DENND1A: variants seen among roughly 807,000 people sequenced by gnomAD.
The protein encoded by DENND1A is DENN domain containing 1A.
DENND1A carries 51 observed loss-of-function variants against 113.7 expected under a neutral mutation model. The observed-to-expected ratio is 0.45, with a 90% CI of 0.36 to 0.57. The LOEUF is 0.57. Ranked by LOEUF, DENND1A falls within the 20% of genes least tolerant of loss-of-function variation. The pLI, the probability that DENND1A is intolerant of heterozygous loss-of-function variation, is 0.00. For synonymous variants in DENND1A, 565 were observed against 570.8 expected (o/e 0.99, Z 0.14); for missense variants, 1,258 against 1,395.9 (o/e 0.90, Z 1.57).
At chr9:123,532,785 G>A (rs1017768659) in intron 13 of DENND1A, among the ~76,000 whole-genome samples, 1 of 152,148 alleles carries the variant, frequency 6.6e-6, no homozygotes, top group Non-Finnish European at 1.5e-5. Context: ...GCTTCCTATA[G>A]CCCAAAGTAT....
intron 5 of DENND1A, among the ~76,000 whole-genome samples, chr9:123,727,947 A>G (rs1253702968): frequency 6.6e-6 from 1 of 151,914 alleles, no homozygotes; most frequent in Non-Finnish European, 1.5e-5. Context: ...TCTACTAAAA[A>G]TACAAAATAT....
chr9:123,393,931 G>A (rs1245816620), intron 21 of DENND1A, among the ~76,000 whole-genome samples: 2 of 152,162 alleles, frequency 1.3e-5, no homozygotes, highest in African/African-American at 2.4e-5. Flanking sequence ...GGACAATGGT[G>A]GGGGCGTGCC....
rs572631597 is a variant in DENND1A, at chr9:123,646,948, G to A, written c.618+5065C>T. Among the ~76,000 whole-genome samples, 4 of 152,226 alleles carry A rather than the reference G, an allele frequency of 2.6e-5. 1 individual carries two copies. The South Asian group carries it at 8.3e-4, about 32-fold the overall frequency. ...GTGTGGGATCTTGGCACTCTCTCCT[G>A]AGGGCTTCCATTAGATGGGTATAGA... On this transcript the variant is annotated intron_variant, in intron 9 of 23. Coordinates refer to ENST00000394215, the MANE Select transcript of DENND1A (RefSeq NM_001352964.2).
At chr9:123,666,965 CAAAT>C (rs1564913382) in intron 8 of DENND1A, 57 bp downstream of exon 8, 3 of 1,430,726 alleles carry the variant, frequency 2.1e-6, no homozygotes. Flanking sequence ...TTTATTCAAA[CAAAT>C]AGGCAGAAAA....
intron 5 of DENND1A, among the ~76,000 whole-genome samples, chr9:123,750,512 G>A (rs761315624): frequency 3.3e-5 from 5 of 152,216 alleles, no homozygotes; most frequent in Non-Finnish European, 5.9e-5. Context: ...TCTATGTTCA[G>A]CTTCTGACAG....
intron 1 of DENND1A, among the ~76,000 whole-genome samples, chr9:123,909,836 G>T (rs557881890): frequency 7.1e-4 from 108 of 152,200 alleles, no homozygotes; most frequent in African/African-American, 2.4e-3. Flanking sequence ...TAGCAAGGTT[G>T]CTGGATACAA....
At chr9:123,867,073 GTCT>G (rs1845891395) in intron 2 of DENND1A, among the ~76,000 whole-genome samples, 1 of 152,112 alleles carries the variant, frequency 6.6e-6, no homozygotes. Context: ...ACTTATTAAA[GTCT>G]TCTGCTGGGC....
Position 123,764,325 on chromosome 9 carries a change from C to A in DENND1A, c.182+5189G>T, listed in dbSNP as rs375603492. ...TCCCCCTCTATGTATTATAGCTTAC[C>A]GACAATTATCTGTTGTCCATGGCAG... On this transcript the variant is annotated intron_variant, in intron 4 of 23. Coordinates refer to ENST00000394215, the MANE Select transcript of DENND1A (RefSeq NM_001352964.2). This position sits in a 1 kb window ranked among gnomAD's most constrained non-coding sequence, Gnocchi z 4.1. 1.3e-5 allele frequency among the ~76,000 whole-genome samples: 2 copies of A among 152,114 alleles called. No homozygotes were observed. Among genetic ancestry groups the A allele is most frequent in the African/African-American group, 2.4e-5 (1 of 41,402 alleles).
chr9:123,917,066 C>T (rs888780314), intron 1 of DENND1A, among the ~76,000 whole-genome samples: 3 of 151,906 alleles, frequency 2.0e-5, no homozygotes, highest in Non-Finnish European at 4.4e-5. Context: ...TACCCGTAGT[C>T]CCAGGTACTC....
rs533323730 is a variant in DENND1A, at chr9:123,412,321, C to A, written c.1489-492G>T. Among the ~76,000 whole-genome samples the A allele has an allele frequency of 2.0e-5, 3 of 152,362 alleles. No individual in the cohort carries two copies. The South Asian group carries it at 6.2e-4, about 32-fold the overall frequency. ...CTCTCATGCCTTGTTTGCCACCCACCCTCCGGGTGGAATGGGCTGCTCCGG... is the reference window on the plus strand; with the variant it reads ...CTCTCATGCCTTGTTTGCCACCCACACTCCGGGTGGAATGGGCTGCTCCGG... On this transcript the variant is annotated intron_variant, in intron 19 of 23. Coordinates refer to ENST00000394215, the MANE Select transcript of DENND1A (RefSeq NM_001352964.2).
At chr9:123,488,808 C>T (rs1049521022) in intron 13 of DENND1A, among the ~76,000 whole-genome samples, 8 of 152,160 alleles carry the variant, frequency 5.3e-5, no homozygotes, top group East Asian at 1.9e-4. Context: ...ATCCCTCATG[C>T]GGTGCGCTTG....
At chr9:123,908,818 C>T (rs1304338366) in intron 1 of DENND1A, among the ~76,000 whole-genome samples, 2 of 152,168 alleles carry the variant, frequency 1.3e-5, no homozygotes, top group Admixed American at 6.5e-5. Context: ...GAACTAGAAA[C>T]ACCATTCGAC....
intron 13 of DENND1A, among the ~76,000 whole-genome samples, chr9:123,521,426 C>G (rs1056789354): frequency 1.3e-5 from 2 of 152,164 alleles, no homozygotes; most frequent in Non-Finnish European, 2.9e-5. Flanking sequence ...AGTCACTTAC[C>G]TTCTTTGGGC....
intron 6 of DENND1A, among the ~76,000 whole-genome samples, chr9:123,675,681 CA>C (rs1415778044): frequency 6.6e-6 from 1 of 152,130 alleles, no homozygotes; most frequent in African/African-American, 2.4e-5. Flanking sequence ...GCAATTAAAA[CA>C]ATGAGACTTT....
intron 13 of DENND1A, among the ~76,000 whole-genome samples, chr9:123,503,539 A>G: frequency 6.6e-6 from 1 of 152,226 alleles, no homozygotes; most frequent in South Asian, 2.1e-4. Flanking sequence ...GCATCTGGCC[A>G]GTCTTGAGCT....
At chr9:123,536,624 C>A (rs2055799976) in intron 13 of DENND1A, among the ~76,000 whole-genome samples, 1 of 152,072 alleles carries the variant, frequency 6.6e-6, no homozygotes, top group African/African-American at 2.4e-5. Context: ...GGAGACCGAG[C>A]CGTCCAGCCT....
intron 19 of DENND1A, among the ~76,000 whole-genome samples, chr9:123,415,661 G>A (rs1291789272): frequency 1.3e-5 from 2 of 152,240 alleles, no homozygotes; most frequent in African/African-American, 4.8e-5. Context: ...AGGCCTAGCT[G>A]GTTTGCTGAG....
chr9:123,680,681 T>G (rs2064385769), intron 5 of DENND1A, among the ~76,000 whole-genome samples: 1 of 152,216 alleles, frequency 6.6e-6, no homozygotes, highest in African/African-American at 2.4e-5. Context: ...GGTGAGTTTG[T>G]GTACACGTGG....
In DENND1A at chr9:123,872,287, A is replaced by T. The variant is rs566622571; in HGVS notation, c.88+6664T>A. ...CATAAACTGACAAGCATTATACACA[A>T]AGATGTTCACTACATCATTTATAAC... is the stretch of plus-strand genomic sequence containing the variant. On this transcript the variant is annotated intron_variant, in intron 2 of 23. Coordinates refer to ENST00000394215, the MANE Select transcript of DENND1A (RefSeq NM_001352964.2). Among the ~76,000 whole-genome samples, 40 of 152,346 alleles carry T rather than the reference A, an allele frequency of 2.6e-4. No homozygotes were observed. The South Asian group carries it at 8.3e-3, about 32-fold the overall frequency.
Sources: gnomAD v4.1 joint callset for allele counts (sites outside exome capture counted in the v4.1 genomes callset) on GRCh38, gnomAD v4.1.1 for gene constraint, Gnocchi (gnomAD v3.1) non-coding constraint, MANE v1.5 for transcripts, NCBI Gene and HGNC (gene_info 2026-07-23, HGNC 2026-07-21) for gene names.